PTGIS: variants seen among roughly 807,000 people sequenced by gnomAD.
PTGIS encodes the protein prostaglandin I2 synthase.
A neutral mutation model predicts 50.3 loss-of-function variants in PTGIS; 45 were observed. The ratio of observed to expected loss-of-function variants is 0.90; its 90% CI spans 0.70 to 1.15. The LOEUF is 1.15. Among genes scored for constraint, PTGIS ranks in the 50% most tolerant of loss-of-function variants. The pLI is 0.00. For synonymous variants in PTGIS, 260 were observed against 267.7 expected, an observed-to-expected ratio of 0.97 and a Z score of 0.28; for missense variants, 668 against 661.3, an observed-to-expected ratio of 1.01 and a Z score of -0.11.
chr20:49,536,454 T>TTTAG (rs1982070720), intron 5 of PTGIS, among the ~76,000 whole-genome samples: 10 of 142,222 alleles, frequency 7.0e-5, no homozygotes, highest in Non-Finnish European at 1.5e-4. Context: ...TCTTTTTTTC[T>TTTAG]TTTCTTTCTT....
At chr20:49,550,969 C>T (rs1159037299) in intron 1 of PTGIS, among the ~76,000 whole-genome samples, 2 of 152,100 alleles carry the variant, frequency 1.3e-5, no homozygotes, top group African/African-American at 4.8e-5. Flanking sequence ...TTTGGGAGGC[C>T]AAGGCAGGTG....
intron 6 of PTGIS, among the ~76,000 whole-genome samples, chr20:49,516,138 C>T (rs1344202791): frequency 1.3e-5 from 2 of 151,572 alleles, no homozygotes; most frequent in Non-Finnish European, 2.9e-5. Context: ...GCCACAGCCT[C>T]CCAAAGAAGC....
intron 5 of PTGIS, among the ~76,000 whole-genome samples, chr20:49,535,385 A>G (rs957276405): frequency 6.6e-6 from 1 of 152,244 alleles, no homozygotes; most frequent in African/African-American, 2.4e-5. Context: ...CAGATGGTAG[A>G]ACAGATACAA....
intron 5 of PTGIS, among the ~76,000 whole-genome samples, chr20:49,531,014 C>T (rs1769903918): frequency 6.6e-6 from 1 of 152,154 alleles, no homozygotes; most frequent in South Asian, 2.1e-4. Context: ...CCAACTCGGC[C>T]TCCCAAAGTG....
intron 4 of PTGIS, among the ~76,000 whole-genome samples, chr20:49,543,089 T>TTAAATTAAATTC (rs1982271411): frequency 6.6e-6 from 1 of 152,138 alleles, no homozygotes; most frequent in African/African-American, 2.4e-5. Flanking sequence ...AAATTAAATT[T>TTAAATTAAATTC]AAATTAAATT....
chr20:49,511,914 T>A (rs894779417), intron 8 of PTGIS, among the ~76,000 whole-genome samples: 1 of 150,166 alleles, frequency 6.7e-6, no homozygotes, highest in Admixed American at 6.6e-5. Context: ...AATGGGTAGA[T>A]TGATGGGTGG....
At chr20:49,548,678 G>A (rs1315641392) in intron 2 of PTGIS, among the ~76,000 whole-genome samples, 1 of 151,884 alleles carries the variant, frequency 6.6e-6, no homozygotes, top group African/African-American at 2.4e-5. Flanking sequence ...AGAGTAAATG[G>A]GCAGATGGAT....
rs370418417 is a variant in PTGIS, at chr20:49,527,091, AT to A, written c.674-2853del. ...AACCCAAATGTCGGTTGATAGGTGA[AT>A]GGATAAATAGAATGCAGTATATACA... On this transcript the variant is annotated intron_variant, in intron 5 of 9. Transcript: ENST00000244043. 1.1e-4 allele frequency among the ~76,000 whole-genome samples: 17 copies of A among 152,288 alleles called. No individual in the cohort carries two copies. In the South Asian group the frequency reaches 1.9e-3, roughly 17 times the overall value.
chr20:49,528,718 A>G (rs1981857226), intron 5 of PTGIS, among the ~76,000 whole-genome samples: 1 of 152,224 alleles, frequency 6.6e-6, no homozygotes, highest in Non-Finnish European at 1.5e-5. Flanking sequence ...AGGACACACT[A>G]AACCTTACCC....
At chr20:49,534,489 G>T (rs929963573) in intron 5 of PTGIS, among the ~76,000 whole-genome samples, 2 of 152,144 alleles carry the variant, frequency 1.3e-5, no homozygotes, top group African/African-American at 4.8e-5. Flanking sequence ...AGTGATGGGG[G>T]GAGTTCCTCT....
rs1236997437 is a variant in PTGIS at position 49,544,450 on chromosome 20, T to C, written c.378-2A>G. 6.2e-7 allele frequency: 1 copy of C among 1,614,044 alleles called. No homozygotes were observed. Among genetic ancestry groups the C allele is most frequent in the Non-Finnish European group, 8.5e-7 (1 of 1,179,996 alleles). ...TGGAGCTCTCTGTGGAGAAGAGTCC[T>C]GAGGCAGGAAACAAAAGCATGAAAA... On this transcript the variant is annotated splice_acceptor_variant, in intron 3 of 9. Transcript: ENST00000244043. LOFTEE classifies it high-confidence loss of function.
intron 1 of PTGIS, 21 bp from the exon 2 acceptor site, chr20:49,550,210 G>A (rs1188666471): frequency 6.2e-7 from 1 of 1,610,236 alleles, no homozygotes; most frequent in Non-Finnish European, 8.5e-7. Context: ...CATGGCACTT[G>A]TCACCATTTG....
chr20:49,518,797 G>T (rs1255060762), intron 6 of PTGIS, among the ~76,000 whole-genome samples: 2 of 152,140 alleles, frequency 1.3e-5, no homozygotes, highest in Non-Finnish European at 2.9e-5. Context: ...TCTCAATACT[G>T]TGGTTTTGCT....
In PTGIS at chr20:49,504,694, CAAA is replaced by C. The variant is rs35250217; in HGVS notation, c.*3223_*3225del. On this transcript the variant is annotated 3_prime_UTR_variant, in exon 10 of 10. Coordinates refer to ENST00000244043, the MANE Select transcript of PTGIS (RefSeq NM_000961.4). ...GGGCAATAAGCGTGAAACTCCGTCT[CAAA>C]AAAAAAAAAAAAAGTTTAAAAAGCG... 4.6e-5 allele frequency: 3 copies of C among 65,464 alleles called. No homozygotes were observed. Among genetic ancestry groups the C allele is most frequent in the Non-Finnish European group, 7.0e-5 (2 of 28,624 alleles). 4.1% of individuals were successfully genotyped at this position (65,464 alleles called of 1,614,324 possible). A position where few individuals can be genotyped will look rare whatever the true frequency, so the allele number is the denominator to read the frequency against.
chr20:49,508,358 T>A (rs1981214010), intron 9 of PTGIS, among the ~76,000 whole-genome samples: 1 of 152,160 alleles, frequency 6.6e-6, no homozygotes, highest in African/African-American at 2.4e-5. Flanking sequence ...CAGCTGTCCC[T>A]CCTGCCTGGC....
At position 49,505,789 on chromosome 20, in the gene PTGIS, A is replaced by G. The variant is rs1981137936; in HGVS notation, c.*2131T>C. On this transcript the variant is annotated 3_prime_UTR_variant, in exon 10 of 10. Transcript: ENST00000244043. ...CAGTGGGGGTCACCCAGGCGTGAAG[A>G]TGGGTTTCCCTGGGGATATCCTGCC... 6.6e-6 allele frequency: 1 copy of G among 152,468 alleles called. No homozygotes were observed. Among genetic ancestry groups the G allele is most frequent in the Non-Finnish European group, 1.5e-5 (1 of 68,048 alleles). The allele number at this position is 152,468 out of a possible 1,614,324, so 9.4% of individuals were successfully genotyped here. A position where few individuals can be genotyped will look rare whatever the true frequency, so the allele number is the denominator to read the frequency against.
In PTGIS at chr20:49,508,055, G is replaced by C. The variant is rs1418974607; in HGVS notation, c.1368C>G (p.Phe456Leu). The change falls in exon 10 of 10, where the codon TTC becomes TTG. Residue 456 changes from phenylalanine to leucine, a missense_variant. Phe to Leu is a conservative substitution (Grantham distance 22, BLOSUM62 0). Coordinates refer to ENST00000244043, the MANE Select transcript of PTGIS (RefSeq NM_000961.4). ...CCAAGTCCAAGTGCACCAGCACAAG[G>C]AACACAAATCTGCAGAGAGATGGCA... ...YAVNSIKQFVFLVLVHLDLEL... is the reference protein window; with the variant it reads ...YAVNSIKQFVLLVLVHLDLEL... 1.2e-6 allele frequency: 2 copies of C among 1,613,866 alleles called. No individual in the cohort carries two copies. The highest frequency in any genetic ancestry group is 1.7e-6 in the Non-Finnish European group (2 of 1,180,028).
chr20:49,544,375 C>T lies in PTGIS; in HGVS notation c.451G>A (p.Asp151Asn), dbSNP rs201485016. 7.6e-5 allele frequency: 123 copies of T among 1,614,166 alleles called. No homozygotes were observed. In the East Asian group the frequency reaches 1.5e-3, roughly 20 times the overall value. Residue 151 changes from aspartate (D) to asparagine (N), a missense_variant, in exon 4 of 10, where the codon GAT (aspartate) becomes AAT (asparagine). Physicochemically the swap from Asp to Asn is conservative, Grantham distance 23. Coordinates refer to ENST00000244043, the MANE Select transcript of PTGIS (RefSeq NM_000961.4). Reference sequence around the variant, plus strand: ...CAGCCACTGCCTGCTTCTGTAGCATCGCCCAACAGCACTGCATGGAGGTTG... The same window carrying T: ...CAGCCACTGCCTGCTTCTGTAGCATTGCCCAACAGCACTGCATGGAGGTTG... ...YTNLHAVLLG[D>N]ATEAGSGWHE...
intron 4 of PTGIS, 60 bp downstream of exon 4, chr20:49,544,245 T>A: frequency 1.2e-6 from 2 of 1,606,418 alleles, no homozygotes; most frequent in Non-Finnish European, 1.7e-6. Flanking sequence ...CCACTGCTCA[T>A]GGCTGACACA....
Sources: gnomAD v4.1 joint callset for allele counts (sites outside exome capture counted in the v4.1 genomes callset) on GRCh38, gnomAD v4.1.1 for gene constraint, MANE v1.5 for transcripts, NCBI Gene and HGNC (gene_info 2026-07-23, HGNC 2026-07-21) for gene names.